CDH12: variants seen among roughly 807,000 people sequenced by gnomAD.
CDH12 encodes cadherin 12.
A neutral mutation model predicts 74.1 loss-of-function variants in CDH12; 41 were observed. The ratio of observed to expected loss-of-function variants is 0.55; its 90% CI spans 0.43 to 0.72. The LOEUF is 0.72. Ranked by LOEUF, CDH12 falls within the 30% of genes least tolerant of loss-of-function variation. The pLI, the probability that CDH12 is intolerant of heterozygous loss-of-function variation, is 0.00. For missense variants in CDH12, 945 were observed against 977.2 expected (o/e 0.97, Z 0.44); for synonymous variants, 399 against 355.0 (o/e 1.12, Z -1.39).
chr5:22,809,677 A>G (rs550236548), intron 1 of CDH12, among the ~76,000 whole-genome samples: 5 of 152,028 alleles, frequency 3.3e-5, no homozygotes, highest in Non-Finnish European at 7.4e-5. Context: ...TTAGAGGGAA[A>G]TATTTCATTA....
At chr5:21,911,117 T>C (rs543864214) in intron 6 of CDH12, among the ~76,000 whole-genome samples, 5 of 152,306 alleles carry the variant, frequency 3.3e-5, no homozygotes, top group African/African-American at 4.8e-5. Context: ...AAATGTACTT[T>C]CTTAAAAAGT....
At chr5:22,022,969 C>T (rs1332748503) in intron 5 of CDH12, among the ~76,000 whole-genome samples, 1 of 152,172 alleles carries the variant, frequency 6.6e-6, no homozygotes, top group African/African-American at 2.4e-5. Flanking sequence ...TATCACCAAT[C>T]TTCCAAAAAT....
intron 6 of CDH12, among the ~76,000 whole-genome samples, chr5:21,953,267 A>G (rs750968017): frequency 4.6e-4 from 70 of 152,164 alleles, no homozygotes; most frequent in Non-Finnish European, 9.3e-4. Flanking sequence ...CCAATTGTCA[A>G]CTAAAGGATC....
intron 5 of CDH12, among the ~76,000 whole-genome samples, chr5:22,068,132 C>T (rs1446355592): frequency 1.3e-5 from 2 of 152,106 alleles, no homozygotes; most frequent in Admixed American, 6.6e-5. Context: ...ACCCAGCAAG[C>T]CATAAAGTTA....
intron 11 of CDH12, among the ~76,000 whole-genome samples, chr5:21,768,067 A>G (rs1278415663): frequency 6.6e-6 from 1 of 151,782 alleles, no homozygotes; most frequent in Non-Finnish European, 1.5e-5. Flanking sequence ...TGAAAATAAC[A>G]CCATATGGAA....
chr5:22,359,606 C>T (rs1740712243), intron 3 of CDH12, among the ~76,000 whole-genome samples: 1 of 152,152 alleles, frequency 6.6e-6, no homozygotes, highest in Non-Finnish European at 1.5e-5. Flanking sequence ...GAACTCTCCA[C>T]CCCAAATCAA....
chr5:21,786,695 T>C (rs1579700152), intron 10 of CDH12, among the ~76,000 whole-genome samples: 2 of 152,330 alleles, frequency 1.3e-5, no homozygotes, highest in Middle Eastern at 6.8e-3. Flanking sequence ...TGTAAGGCTA[T>C]AGCTACCAAA....
At chr5:21,985,129 C>T (rs1757461199) in intron 5 of CDH12, among the ~76,000 whole-genome samples, 1 of 152,098 alleles carries the variant, frequency 6.6e-6, no homozygotes, top group African/African-American at 2.4e-5. Context: ...TCTTTACTTT[C>T]CTTAATATAG....
chr5:22,140,125 T>A (rs1237708239), intron 4 of CDH12, among the ~76,000 whole-genome samples: 1 of 152,036 alleles, frequency 6.6e-6, no homozygotes, highest in African/African-American at 2.4e-5. Context: ...GCATAGAAAA[T>A]CAAGTCTTAA....
At chr5:22,519,014 C>T (rs188346864) in intron 1 of CDH12, among the ~76,000 whole-genome samples, 1 of 152,192 alleles carries the variant, frequency 6.6e-6, no homozygotes, top group Non-Finnish European at 1.5e-5. Context: ...GGGAAATACA[C>T]CAAAGTGGCA....
chr5:22,151,275 T>G (rs985476236), intron 4 of CDH12, among the ~76,000 whole-genome samples: 2 of 152,152 alleles, frequency 1.3e-5, no homozygotes, highest in African/African-American at 4.8e-5. Flanking sequence ...TTTAAACTGA[T>G]GAAATTAGAA....
chr5:22,348,939 T>A (rs1333374131), intron 3 of CDH12, among the ~76,000 whole-genome samples: 1 of 151,990 alleles, frequency 6.6e-6, no homozygotes, highest in South Asian at 2.1e-4. Flanking sequence ...AATGTTTGTG[T>A]CCCCCCAAAA....
intron 1 of CDH12, among the ~76,000 whole-genome samples, chr5:22,524,211 T>C (rs2126690742): frequency 6.6e-6 from 1 of 152,232 alleles, no homozygotes; most frequent in South Asian, 2.1e-4. Flanking sequence ...TTTCTCAAAC[T>C]CCTGAGTTCA....
chr5:22,753,378 A>G (rs1745702639), intron 1 of CDH12, among the ~76,000 whole-genome samples: 1 of 150,468 alleles, frequency 6.6e-6, no homozygotes, highest in Non-Finnish European at 1.5e-5. Context: ...CAGAGCTTGC[A>G]GTGATCTGAG....
At chr5:22,651,854 T>A (rs996457888) in intron 1 of CDH12, among the ~76,000 whole-genome samples, 1 of 152,004 alleles carries the variant, frequency 6.6e-6, no homozygotes, top group Non-Finnish European at 1.5e-5. Flanking sequence ...ATATCTGTTT[T>A]TTAAAAAAAG....
chr5:22,516,120 T>C (rs1189912202), intron 1 of CDH12, among the ~76,000 whole-genome samples: 1 of 152,126 alleles, frequency 6.6e-6, no homozygotes, highest in Non-Finnish European at 1.5e-5. Context: ...ACTAAGGACA[T>C]AATGAGATAC....
At chr5:22,817,129 A>G (rs1749432338) in intron 1 of CDH12, among the ~76,000 whole-genome samples, 1 of 152,074 alleles carries the variant, frequency 6.6e-6, no homozygotes, top group Non-Finnish European at 1.5e-5. Context: ...CAGGTTTCCA[A>G]ATGTATTTTA....
At chr5:22,371,404 T>A (rs951633635) in intron 3 of CDH12, among the ~76,000 whole-genome samples, 1 of 152,112 alleles carries the variant, frequency 6.6e-6, no homozygotes, top group Non-Finnish European at 1.5e-5. Context: ...ATAATTTAAA[T>A]ACACAAAGTG....
intron 1 of CDH12, among the ~76,000 whole-genome samples, chr5:22,775,923 T>A (rs2126328144): frequency 6.6e-6 from 1 of 152,170 alleles, no homozygotes; most frequent in South Asian, 2.1e-4. Context: ...AATAAGTCCC[T>A]TGAGATCTGA....
Sources: gnomAD v4.1 joint callset for allele counts (sites outside exome capture counted in the v4.1 genomes callset) on GRCh38, gnomAD v4.1.1 for gene constraint, MANE v1.5 for transcripts, NCBI Gene and HGNC (gene_info 2026-07-23, HGNC 2026-07-21) for gene names.